The following BANP variants were observed in gnomAD, a reference collection of about 807,000 sequenced individuals.
BANP encodes the protein BTG3 associated nuclear protein, also known as protein BANP.
In BANP, 11 loss-of-function variants were observed where a neutral mutation model predicts 68.1. That is an observed-to-expected ratio of 0.16 (90% CI 0.10 to 0.27). BANP has a LOEUF of 0.27. BANP is among the 10% of genes least tolerant of loss of function. BANP has a pLI of 1.00. For synonymous variants in BANP, 329 were observed against 303.2 expected (o/e 1.09, Z -0.88); for missense variants, 504 against 722.7 (o/e 0.70, Z 3.47).
rs372172781 is a variant in BANP, at chr16:87,967,707, C to T, written c.-68-7341C>T. On this transcript the variant is annotated intron_variant, in intron 1 of 13. Transcript: ENST00000682872. ...CGCAGTCTTGGCTCATTGCAGCCTC[C>T]GCCTCCTGGGTTCAAGTGATTCTGC... 7.9e-5 allele frequency among the ~76,000 whole-genome samples: 12 copies of T among 151,568 alleles called. No individual in the cohort carries two copies. The East Asian group carries it at 1.8e-3, about 22-fold the overall frequency.
At chr16:88,075,700 G>A (rs1256705818) in intron 13 of BANP, among the ~76,000 whole-genome samples, 1 of 151,796 alleles carries the variant, frequency 6.6e-6, no homozygotes, top group African/African-American at 2.4e-5. Context: ...GTGTGGCTGA[G>A]CTGGAGGATG....
chr16:88,028,069 A>G (rs980718061), intron 8 of BANP, among the ~76,000 whole-genome samples: 7 of 152,220 alleles, frequency 4.6e-5, no homozygotes, highest in African/African-American at 1.4e-4. Flanking sequence ...TATCCACAAG[A>G]TAATGGAAAC....
intron 1 of BANP, among the ~76,000 whole-genome samples, chr16:87,968,086 T>A (rs2060413918): frequency 6.6e-6 from 1 of 152,092 alleles, no homozygotes; most frequent in Admixed American, 6.5e-5. Context: ...TTGCCTTTTT[T>A]TTTTTAAAGG....
intron 12 of BANP, among the ~76,000 whole-genome samples, chr16:88,069,512 G>T (rs902688403): frequency 1.3e-5 from 2 of 152,140 alleles, no homozygotes; most frequent in Non-Finnish European, 2.9e-5. Context: ...GAGGGTAATC[G>T]TGCTGCTCCG....
intron 2 of BANP, chr16:87,980,508 A>G (rs1450776959): frequency 6.4e-6 from 1 of 156,506 alleles, no homozygotes; most frequent in Non-Finnish European, 1.4e-5. Flanking sequence ...AGCTGGTCTC[A>G]GCTGTGCCTG....
chr16:87,997,312 C>G (rs566759405), intron 4 of BANP, among the ~76,000 whole-genome samples: 1 of 152,342 alleles, frequency 6.6e-6, no homozygotes, highest in East Asian at 1.9e-4. Context: ...AACTCAAACA[C>G]TGAAAGGGTG....
chr16:87,970,512 A>C (rs2060910683), intron 1 of BANP, among the ~76,000 whole-genome samples: 1 of 152,182 alleles, frequency 6.6e-6, no homozygotes, highest in South Asian at 2.1e-4. Flanking sequence ...TTTTTCAGTG[A>C]CGTGATTTGT....
In BANP at chr16:88,004,291, C is replaced by T; in HGVS notation, c.363-4C>T. 1 of 1,504,776 alleles carries T rather than the reference C, an allele frequency of 6.6e-7. No individual in the cohort carries two copies. Among genetic ancestry groups the T allele is most frequent in the Non-Finnish European group, 9.0e-7 (1 of 1,105,246 alleles). The allele number at this position is 1,504,776 out of a possible 1,614,324, so 93.2% of individuals were successfully genotyped here. ...TTTTTCTTTGTGATTCTTTTGTTCC[C>T]TAGCGTCGTCCCCCAGACTACAGTA... On this transcript the variant is annotated splice_polypyrimidine_tract_variant and splice_region_variant and intron_variant, in intron 4 of 13. Transcript: ENST00000682872. This position sits in a 1 kb window ranked among gnomAD's most constrained non-coding sequence, Gnocchi z 7.0.
At chr16:87,965,977 C>G (rs903937339) in intron 1 of BANP, among the ~76,000 whole-genome samples, 2 of 152,188 alleles carry the variant, frequency 1.3e-5, no homozygotes, top group Non-Finnish European at 2.9e-5. Context: ...TTGTCATCCC[C>G]AACTGTCTTG....
intron 2 of BANP, among the ~76,000 whole-genome samples, chr16:87,979,726 A>G (rs4843290): frequency 0.35 from 52,858 of 151,928 alleles, 10,467 homozygotes; most frequent in Non-Finnish European, 0.47. Context: ...AAGTGTTACA[A>G]TACGCATGCT....
intron 2 of BANP, among the ~76,000 whole-genome samples, chr16:87,979,752 A>G (rs1286036175): frequency 6.6e-6 from 1 of 152,214 alleles, no homozygotes; most frequent in Non-Finnish European, 1.5e-5. Context: ...GTATGCACGT[A>G]TATAATATCT....
chr16:88,027,853 G>A (rs1017788886), intron 8 of BANP, among the ~76,000 whole-genome samples: 32 of 152,262 alleles, frequency 2.1e-4, no homozygotes, highest in African/African-American at 7.5e-4. Context: ...ACAGCCTCGG[G>A]CCTGCTCCAG....
chr16:88,074,834 C>T (rs1158057269), intron 13 of BANP, among the ~76,000 whole-genome samples: 1 of 152,138 alleles, frequency 6.6e-6, no homozygotes, highest in Admixed American at 6.5e-5. Flanking sequence ...CATACTGACC[C>T]CTCATCCTAC....
chr16:88,041,402 G>A (rs1409008287), intron 11 of BANP, among the ~76,000 whole-genome samples: 1 of 152,176 alleles, frequency 6.6e-6, no homozygotes, highest in Non-Finnish European at 1.5e-5. Flanking sequence ...CCTGCTGCCA[G>A]GGGACCATTC....
intron 12 of BANP, among the ~76,000 whole-genome samples, chr16:88,066,778 G>A (rs1290237505): frequency 2.6e-5 from 4 of 152,140 alleles, no homozygotes; most frequent in Non-Finnish European, 4.4e-5. Context: ...TACATTGCCT[G>A]TGTGTGTCTT....
intron 4 of BANP, among the ~76,000 whole-genome samples, chr16:87,988,682 G>A (rs1398837571): frequency 6.6e-6 from 1 of 152,198 alleles, no homozygotes; most frequent in Non-Finnish European, 1.5e-5. Context: ...TGCTGTGAGG[G>A]ATTAGCTGGG....
chr16:88,010,820 G>A (rs1598406472), intron 6 of BANP, among the ~76,000 whole-genome samples: 1 of 152,102 alleles, frequency 6.6e-6, no homozygotes, highest in East Asian at 1.9e-4. Context: ...TGCCATTCGT[G>A]CACGTGGAAA....
intron 7 of BANP, among the ~76,000 whole-genome samples, chr16:88,026,160 C>A (rs2076945162): frequency 6.6e-6 from 1 of 152,234 alleles, no homozygotes; most frequent in Non-Finnish European, 1.5e-5. Flanking sequence ...TGGTAGAGAA[C>A]TGGGGGTCCC....
At chr16:87,983,927 T>C (rs1279015424) in intron 3 of BANP, 133 bp from the exon 4 acceptor site, 1 of 1,372,852 alleles carries the variant, frequency 7.3e-7, no homozygotes, top group East Asian at 2.5e-5. Flanking sequence ...GCTCACGGGC[T>C]ATTTCCAGTG....
Sources: gnomAD v4.1 joint callset for allele counts (sites outside exome capture counted in the v4.1 genomes callset) on GRCh38, gnomAD v4.1.1 for gene constraint, Gnocchi (gnomAD v3.1) non-coding constraint, MANE v1.5 for transcripts, NCBI Gene and HGNC (gene_info 2026-07-23, HGNC 2026-07-21) for gene names.